TAFA5: variants seen among roughly 807,000 people sequenced by gnomAD.
The protein encoded by TAFA5 is chemokine-like protein TAFA-5.
In TAFA5, 6 loss-of-function variants were observed where a neutral mutation model predicts 15.3. The ratio of observed to expected loss-of-function variants is 0.39; its 90% CI spans 0.21 to 0.77. The LOEUF (loss-of-function observed/expected upper bound fraction) is 0.77. Among genes scored for constraint, TAFA5 ranks in the 30% least tolerant of loss-of-function variants. TAFA5 has a pLI of 0.41. For missense variants in TAFA5, 161 were observed against 193.1 expected (o/e 0.83, Z 0.98); for synonymous variants, 103 against 80.7 (o/e 1.28, Z -1.48).
chr22:48,649,382 C>T (rs78015626), intron 2 of TAFA5, among the ~76,000 whole-genome samples: 20 of 152,224 alleles, frequency 1.3e-4, no homozygotes, highest in East Asian at 5.8e-4. Context: ...GAGTGTGGCG[C>T]GAGAGGCTGA....
chr22:48,650,631 A>G (rs1011450018), intron 2 of TAFA5, among the ~76,000 whole-genome samples: 1 of 152,092 alleles, frequency 6.6e-6, no homozygotes, highest in South Asian at 2.1e-4. Context: ...CTTGTCTCTG[A>G]GCTAAAGCAT....
In TAFA5 at chr22:48,566,585, G is replaced by A. The variant is rs560215754; in HGVS notation, c.112+76881G>A. 4.6e-5 allele frequency among the ~76,000 whole-genome samples: 7 copies of A among 152,302 alleles called. No individual in the cohort carries two copies. Among genetic ancestry groups the A allele is most frequent in the Non-Finnish European group, 8.8e-5 (6 of 68,014 alleles). ...TTTAGGGAGGTAGCAGGGGCTGCCCGGGTACACCTAGCTTTAGCCCAACCT... is the reference window on the plus strand; with the variant it reads ...TTTAGGGAGGTAGCAGGGGCTGCCCAGGTACACCTAGCTTTAGCCCAACCT... On this transcript the variant is annotated intron_variant, in intron 1 of 3. Coordinates refer to ENST00000402357, the MANE Select transcript of TAFA5 (RefSeq NM_001082967.3). The surrounding 1 kb of genome is among the most constrained non-coding windows in gnomAD (Gnocchi z 4.5).
rs575895255 is a variant in TAFA5 at position 48,582,665 on chromosome 22, A to G, written c.113-63932A>G. On this transcript the variant is annotated intron_variant, in intron 1 of 3. Transcript: ENST00000402357. ...AAATATACCACACACACCACACACA[A>G]AATACACCACACACGAAATACACCA... is the stretch of plus-strand genomic sequence containing the variant. Among the ~76,000 whole-genome samples, 5 of 148,746 alleles carry G rather than the reference A, an allele frequency of 3.4e-5. No individual in the cohort carries two copies. The East Asian group carries it at 8.1e-4, about 24-fold the overall frequency.
chr22:48,540,537 A>G (rs1922329742), intron 1 of TAFA5, among the ~76,000 whole-genome samples: 1 of 151,342 alleles, frequency 6.6e-6, no homozygotes, highest in South Asian at 2.1e-4. Context: ...CCCGGCAAAA[A>G]GGACCCAGTC....
At chr22:48,575,635 A>C (rs1342636504) in intron 1 of TAFA5, among the ~76,000 whole-genome samples, 1 of 145,312 alleles carries the variant, frequency 6.9e-6, no homozygotes, top group Non-Finnish European at 1.5e-5. Flanking sequence ...GCGGCGGCCC[A>C]GCGTGGGCAG....
intron 1 of TAFA5, among the ~76,000 whole-genome samples, chr22:48,610,096 G>C (rs369025186): frequency 6.6e-6 from 1 of 152,208 alleles, no homozygotes; most frequent in African/African-American, 2.4e-5. Context: ...CACAGTGGAG[G>C]GGGCTGTTTG....
Position 48,749,877 on chromosome 22 carries a change from T to G in TAFA5, c.*30T>G, listed in dbSNP as rs1324592692. 6.4e-7 allele frequency: 1 copy of G among 1,551,690 alleles called. No individual in the cohort carries two copies. Among genetic ancestry groups the G allele is most frequent in the Admixed American group, 1.9e-5 (1 of 51,536 alleles). Reference sequence around the variant, plus strand: ...CACAGCCCCTGAGGGGCCCCGGGAGTGGCCTTGGCTCCCTGGAGAGCCCAC... The same window carrying G: ...CACAGCCCCTGAGGGGCCCCGGGAGGGGCCTTGGCTCCCTGGAGAGCCCAC... On this transcript the variant is annotated 3_prime_UTR_variant, in exon 4 of 4. Transcript: ENST00000402357.
At chr22:48,631,325 A>G (rs975953989) in intron 1 of TAFA5, among the ~76,000 whole-genome samples, 2 of 152,166 alleles carry the variant, frequency 1.3e-5, no homozygotes, top group Non-Finnish European at 2.9e-5. Flanking sequence ...ACCCAGCCAC[A>G]TGCCTTCCAT....
intron 1 of TAFA5, chr22:48,539,167 A>G (rs2147117749): frequency 3.2e-6 from 1 of 311,794 alleles, no homozygotes; most frequent in South Asian, 2.9e-5. Context: ...CCATTTTCAG[A>G]TCTTGGTTTC....
chr22:48,599,819 T>C (rs970858220), intron 1 of TAFA5, among the ~76,000 whole-genome samples: 1 of 152,098 alleles, frequency 6.6e-6, no homozygotes, highest in Non-Finnish European at 1.5e-5. Context: ...ATGTGGGGGG[T>C]TGAGCAGCAT....
chr22:48,719,579 C>A (rs1929507072), intron 3 of TAFA5, among the ~76,000 whole-genome samples: 1 of 152,218 alleles, frequency 6.6e-6, no homozygotes, highest in Non-Finnish European at 1.5e-5. Context: ...CAGGACTGCC[C>A]CCCCTGCATT....
rs1928073727 is a variant in TAFA5, at chr22:48,489,740, T to C, written c.112+36T>C. The C allele has an allele frequency of 7.6e-7, 1 of 1,307,394 alleles. No homozygotes were observed. The highest frequency in any genetic ancestry group is 1.0e-6 in the Non-Finnish European group (1 of 995,972). The allele number at this position is 1,307,394 out of a possible 1,614,324, so 81.0% of individuals were successfully genotyped here. On this transcript the variant is annotated intron_variant, in intron 1 of 3. Coordinates refer to ENST00000402357, the MANE Select transcript of TAFA5 (RefSeq NM_001082967.3). The surrounding 1 kb of genome is among the most constrained non-coding windows in gnomAD (Gnocchi z 5.5). Reference sequence around the variant, plus strand: ...CGCGGCCCCGGCCCCGGCACGGCCCTCTGGGCCCCGGACCCCCTCCTCCGG... The same window carrying C: ...CGCGGCCCCGGCCCCGGCACGGCCCCCTGGGCCCCGGACCCCCTCCTCCGG...
intron 1 of TAFA5, among the ~76,000 whole-genome samples, chr22:48,625,330 G>A (rs566945744): frequency 6.0e-4 from 92 of 152,228 alleles, no homozygotes; most frequent in Middle Eastern, 3.4e-3. Flanking sequence ...GAGTTCACTC[G>A]GGCGTCTCCA....
intron 3 of TAFA5, among the ~76,000 whole-genome samples, chr22:48,737,486 G>A (rs1003448131): frequency 3.3e-5 from 5 of 152,166 alleles, no homozygotes; most frequent in Non-Finnish European, 5.9e-5. Context: ...AGCTGCAGTC[G>A]CCGAGATGCT....
intron 2 of TAFA5, among the ~76,000 whole-genome samples, chr22:48,674,776 A>T (rs773089629): frequency 6.6e-6 from 1 of 152,146 alleles, no homozygotes; most frequent in African/African-American, 2.4e-5. Context: ...GATTTGCAGC[A>T]TTAGCAGTAC....
chr22:48,522,026 T>C (rs1921618991), intron 1 of TAFA5, among the ~76,000 whole-genome samples: 1 of 152,264 alleles, frequency 6.6e-6, no homozygotes, highest in South Asian at 2.1e-4. Context: ...TTACTTCCCT[T>C]GCGGCCTTAT....
intron 1 of TAFA5, among the ~76,000 whole-genome samples, chr22:48,619,206 G>A (rs1258699687): frequency 6.6e-6 from 1 of 152,196 alleles, no homozygotes; most frequent in Non-Finnish European, 1.5e-5. Flanking sequence ...TGGCCGGGCT[G>A]TACAGAGCCT....
Position 48,507,800 on chromosome 22 carries a change from C to T in TAFA5, c.112+18096C>T, listed in dbSNP as rs73441621. ...TGAGGAGCCCCTGCCTGGGAGCTGT[C>T]GGGATGGACAGCGCCCCCTCCCCAA... On this transcript the variant is annotated intron_variant, in intron 1 of 3. Coordinates refer to ENST00000402357, the MANE Select transcript of TAFA5 (RefSeq NM_001082967.3). Among the ~76,000 whole-genome samples, 594 of 152,198 alleles carry T rather than the reference C, an allele frequency of 3.9e-3. 6 individuals are homozygous for T. The highest frequency in any genetic ancestry group is 0.013 in the African/African-American group (556 of 41,520).
intron 3 of TAFA5, among the ~76,000 whole-genome samples, chr22:48,749,408 T>C (rs1930418625): frequency 6.6e-6 from 1 of 152,214 alleles, no homozygotes; most frequent in South Asian, 2.1e-4. Context: ...TCCCCCAGCC[T>C]GCAGCGACCA....
Sources: allele counts gnomAD v4.1 joint callset (sites outside exome capture counted in the v4.1 genomes callset), GRCh38; gene constraint gnomAD v4.1.1; non-coding constraint Gnocchi (gnomAD v3.1); transcripts MANE v1.5; gene names NCBI Gene and HGNC (gene_info 2026-07-23, HGNC 2026-07-21).